Variants in SLC25A48 observed in about 807,000 individuals in gnomAD.
The protein encoded by SLC25A48 is CTC-321K16.1.
In SLC25A48, 29 loss-of-function variants were observed where a neutral mutation model predicts 32.2. That is an observed-to-expected ratio of 0.90 (90% confidence interval 0.67 to 1.23). The LOEUF (loss-of-function observed/expected upper bound fraction) is 1.23. Among genes scored for constraint, SLC25A48 ranks in the 50% most tolerant of loss-of-function variants. The pLI is 0.00. For missense variants in SLC25A48, 399 were observed against 422.7 expected (o/e 0.94, Z 0.49); for synonymous variants, 164 against 172.3 (o/e 0.95, Z 0.38).
chr5:135,811,751 T>A (rs1176626555), intron 3 of SLC25A48, among the ~76,000 whole-genome samples: 3 of 152,220 alleles, frequency 2.0e-5, no homozygotes, highest in African/African-American at 7.2e-5. Flanking sequence ...CACCGTCCTG[T>A]CCCAATTCTT....
rs146428257 is a variant in SLC25A48, at chr5:135,670,769, A to G, written c.-521+35813A>G. ...CTGGAAGAAGTACTGACGTCATGGAAGCAGACGCTCTTTGCCTGTCTCTGT... is the reference window on the plus strand; with the variant it reads ...CTGGAAGAAGTACTGACGTCATGGAGGCAGACGCTCTTTGCCTGTCTCTGT... On this transcript the variant is annotated intron_variant, in intron 3 of 10. Transcript: ENST00000646290. Among the ~76,000 whole-genome samples the G allele has an allele frequency of 2.1e-3, 315 of 152,270 alleles. 2 individuals carry two copies. Among genetic ancestry groups the G allele is most frequent in the African/African-American group, 7.3e-3 (305 of 41,540 alleles).
intron 6 of SLC25A48, among the ~76,000 whole-genome samples, chr5:135,878,731 T>C (rs1762226550): frequency 6.6e-6 from 1 of 152,166 alleles, no homozygotes; most frequent in Non-Finnish European, 1.5e-5. Context: ...ACCACTTCTG[T>C]TTCTTAAACT....
intron 3 of SLC25A48, 142 bp from the exon 4 acceptor site, chr5:135,852,421 A>T: frequency 9.8e-7 from 1 of 1,023,358 alleles, no homozygotes; most frequent in Non-Finnish European, 1.4e-6. Context: ...CCCACCCCCT[A>T]CCTCCTGTCG....
chr5:135,731,188 T>C (rs6874576), intron 3 of SLC25A48, among the ~76,000 whole-genome samples: 110,311 of 151,226 alleles, frequency 0.73, 41,477 homozygotes, highest in Middle Eastern at 0.85. Context: ...CTCTGGCTGG[T>C]AGGGGTGGGG....
chr5:135,861,700 GTTCTCTTTAT>G (rs1367670522), intron 4 of SLC25A48, among the ~76,000 whole-genome samples: 1 of 152,138 alleles, frequency 6.6e-6, no homozygotes, highest in Non-Finnish European at 1.5e-5. Flanking sequence ...TTCATAAAGA[GTTCTCTTTAT>G]TTAGGGTTAT....
chr5:135,768,777 C>G (rs1321032760), intron 3 of SLC25A48, among the ~76,000 whole-genome samples: 1 of 151,670 alleles, frequency 6.6e-6, no homozygotes, highest in Non-Finnish European at 1.5e-5. Context: ...TGGGCTTGTA[C>G]AACCCCTTGT....
At chr5:135,686,718 T>C (rs1754028221) in intron 3 of SLC25A48, among the ~76,000 whole-genome samples, 1 of 151,856 alleles carries the variant, frequency 6.6e-6, no homozygotes, top group East Asian at 1.9e-4. Context: ...GACAGCTAGA[T>C]AGAAGAATGA....
intron 3 of SLC25A48, chr5:135,650,057 A>G (rs1353449326): frequency 6.1e-6 from 1 of 165,002 alleles, no homozygotes; most frequent in African/African-American, 2.4e-5. Flanking sequence ...CCCTTTTCTT[A>G]TGATCATTCA....
chr5:135,714,211 G>A (rs984832824), intron 3 of SLC25A48, among the ~76,000 whole-genome samples: 15 of 152,194 alleles, frequency 9.9e-5, no homozygotes, highest in African/African-American at 3.1e-4. Context: ...GGAGGCCAAC[G>A]GATGGGCAGT....
intron 3 of SLC25A48, among the ~76,000 whole-genome samples, chr5:135,675,990 A>C (rs1279550891): frequency 6.6e-6 from 1 of 151,520 alleles, no homozygotes. Flanking sequence ...TGCCTTATTG[A>C]TTTCTTTCTT....
chr5:135,665,015 G>A (rs1561781357), intron 3 of SLC25A48, among the ~76,000 whole-genome samples: 2 of 152,128 alleles, frequency 1.3e-5, no homozygotes, highest in African/African-American at 2.4e-5. Context: ...TTTCCATAGA[G>A]GTTGTACTAA....
At chr5:135,721,110 C>A (rs1271642796) in intron 3 of SLC25A48, among the ~76,000 whole-genome samples, 2 of 148,722 alleles carry the variant, frequency 1.3e-5, no homozygotes, top group East Asian at 2.0e-4. Context: ...GGCCTGATTT[C>A]AGCTCACTGC....
Position 135,723,006 on chromosome 5 carries a change from G to A in SLC25A48, c.-521+88050G>A, listed in dbSNP as rs193082666. On this transcript the variant is annotated intron_variant, in intron 3 of 10. Transcript: ENST00000646290. ...CATGGCCTGATGTTCCTGCATGACC[G>A]CTTTGCTCACCACAGAGCCCCTGCC... Among the ~76,000 whole-genome samples, 5 of 152,346 alleles carry A rather than the reference G, an allele frequency of 3.3e-5. No homozygotes were observed. In the East Asian group the frequency reaches 7.7e-4, roughly 24 times the overall value.
At chr5:135,860,378 A>C (rs189346080) in intron 4 of SLC25A48, among the ~76,000 whole-genome samples, 14 of 152,330 alleles carry the variant, frequency 9.2e-5, no homozygotes, top group Admixed American at 2.0e-4. Flanking sequence ...TTAGAAAAGC[A>C]GTAGTTCAAG....
intron 3 of SLC25A48, among the ~76,000 whole-genome samples, chr5:135,719,594 C>T (rs369018053): frequency 6.6e-6 from 1 of 152,110 alleles, no homozygotes; most frequent in South Asian, 2.1e-4. Flanking sequence ...GAACCTTCAC[C>T]CAGGGGATCT....
At chr5:135,587,855 G>A (rs1359225771) in intron 1 of SLC25A48, among the ~76,000 whole-genome samples, 1 of 152,220 alleles carries the variant, frequency 6.6e-6, no homozygotes, top group African/African-American at 2.4e-5. Context: ...AAAGCAAGGA[G>A]GGGCAGCAGG....
upstream of SLC25A48, among the ~76,000 whole-genome samples, chr5:135,834,343 C>A (rs1035340433): frequency 3.9e-5 from 6 of 152,158 alleles, no homozygotes; most frequent in African/African-American, 1.2e-4. Flanking sequence ...CTGAGATGAA[C>A]AAAAAGGCAT....
chr5:135,838,334 C>A (rs1170562775), intron 1 of SLC25A48, among the ~76,000 whole-genome samples: 2 of 152,176 alleles, frequency 1.3e-5, no homozygotes, highest in African/African-American at 2.4e-5. Flanking sequence ...GGAATTGGAA[C>A]TTATGTTTAA....
rs11960303 is a variant in SLC25A48, at chr5:135,775,351, C to T, written c.-520-37172C>T. On this transcript the variant is annotated intron_variant, in intron 3 of 10. Coordinates refer to the SLC25A48 transcript ENST00000646290. ...CCCAATATCGTAGAATAGGTACACC[C>T]CTTCTGTGATATTGTTTCTAATATC... Among the ~76,000 whole-genome samples the T allele has an allele frequency of 2.0e-5, 3 of 151,384 alleles. No homozygotes were observed. The East Asian group carries it at 5.8e-4, about 29-fold the overall frequency.
Sources: gnomAD v4.1 joint callset for allele counts (sites outside exome capture counted in the v4.1 genomes callset) on GRCh38, gnomAD v4.1.1 for gene constraint, MANE v1.5 for transcripts, NCBI Gene and HGNC (gene_info 2026-07-23, HGNC 2026-07-21) for gene names.